Variants in TEF observed in about 807,000 individuals in gnomAD.
TEF encodes the protein thyrotroph embryonic factor.
In TEF, 3 loss-of-function variants were observed where a neutral mutation model predicts 20.8. That is an observed-to-expected ratio of 0.14 (90% CI 0.07 to 0.37). The LOEUF is 0.37. TEF is among the 10% of genes least tolerant of loss of function. The probability of loss-of-function intolerance (pLI) is 1.00; values close to 1 mark genes in which losing one functional copy is unlikely to be tolerated. For missense variants in TEF, 296 were observed against 397.9 expected, an observed-to-expected ratio of 0.74 and a Z score of 2.18; for synonymous variants, 180 against 171.1, an observed-to-expected ratio of 1.05 and a Z score of -0.41.
At chr22:41,394,430 G>A (rs1001628212) in intron 3 of TEF, 114 bp downstream of exon 3, 14 of 1,028,078 alleles carry the variant, frequency 1.4e-5, no homozygotes, top group Non-Finnish European at 1.7e-5. Context: ...GACACCATTT[G>A]GAAAGACATG....
intron 1 of TEF, among the ~76,000 whole-genome samples, chr22:41,375,784 A>G (rs1221241253): frequency 6.6e-6 from 1 of 152,140 alleles, no homozygotes; most frequent in African/African-American, 2.4e-5. Context: ...GGTTTGGTTA[A>G]CTGTCCTACT....
Position 41,382,211 on chromosome 22 carries a change from G to C in TEF, c.157+10G>C. On this transcript the variant is annotated intron_variant, in intron 1 of 3. Coordinates refer to ENST00000266304, the MANE Select transcript of TEF (RefSeq NM_003216.4). The stretch of plus-strand genomic sequence containing the variant: ...CGCGAGGCGCGCCTCGGTGAGGGCG[G>C]GGGGGTGGTCCGCGCGGGCTGGGGG... 1 of 1,231,002 alleles carries C rather than the reference G, an allele frequency of 8.1e-7. No homozygotes were observed. 76.3% of individuals were successfully genotyped at this position (1,231,002 alleles called of 1,614,324 possible).
At chr22:41,378,949 T>C (rs2036980516), upstream of TEF, among the ~76,000 whole-genome samples, 1 of 152,266 alleles carries the variant, frequency 6.6e-6, no homozygotes, top group African/African-American at 2.4e-5. Context: ...CACTAACCTC[T>C]GGGATAATGG....
At chr22:41,390,049 G>A (rs554216948) in intron 2 of TEF, among the ~76,000 whole-genome samples, 7 of 151,968 alleles carry the variant, frequency 4.6e-5, no homozygotes, top group African/African-American at 9.6e-5. Flanking sequence ...ACAGGTGTGC[G>A]CCACCACTCC....
intron 2 of TEF, among the ~76,000 whole-genome samples, chr22:41,393,773 CAAAA>C (rs879096914): frequency 3.3e-5 from 2 of 60,298 alleles, no homozygotes; most frequent in African/African-American, 5.8e-5. Flanking sequence ...ACTCCCATCT[CAAAA>C]AAAAAAAAAA....
At position 41,398,720 on chromosome 22, in the gene TEF, A is replaced by G. The variant is rs1253884251; in HGVS notation, c.*2760A>G. The G allele has an allele frequency of 2.0e-5, 3 of 152,188 alleles. No homozygotes were observed. The highest frequency in any genetic ancestry group is 7.2e-5 in the African/African-American group (3 of 41,426). 9.4% of individuals were successfully genotyped at this position (152,188 alleles called of 1,614,324 possible). ...AGGGGGCACTTAGCAGTGAACCTTAAGTCTGGGTACATGTAACCCTGCTGA... is the reference window on the plus strand; with the variant it reads ...AGGGGGCACTTAGCAGTGAACCTTAGGTCTGGGTACATGTAACCCTGCTGA... On this transcript the variant is annotated 3_prime_UTR_variant, in exon 4 of 4. Coordinates refer to ENST00000266304, the MANE Select transcript of TEF (RefSeq NM_003216.4).
At chr22:41,368,572 C>T (rs2036846625) in intron 1 of TEF, among the ~76,000 whole-genome samples, 1 of 152,302 alleles carries the variant, frequency 6.6e-6, no homozygotes, top group South Asian at 2.1e-4. Context: ...CCTCCCTTCA[C>T]CCCTCTGGAA....
At chr22:41,385,829 C>G (rs1488256780) in intron 1 of TEF, among the ~76,000 whole-genome samples, 1 of 152,014 alleles carries the variant, frequency 6.6e-6, no homozygotes, top group Non-Finnish European at 1.5e-5. Context: ...GGATTACAGG[C>G]GCCCACCACC....
intron 3 of TEF, 65 bp downstream of exon 3, chr22:41,394,381 C>CTCGCA (rs1208644307): frequency 1.4e-6 from 2 of 1,456,944 alleles, no homozygotes; most frequent in African/African-American, 2.8e-5. Flanking sequence ...GATATGGCTC[C>CTCGCA]TCGCATTTGA....
At chr22:41,385,339 A>G in intron 1 of TEF, among the ~76,000 whole-genome samples, 1 of 152,158 alleles carries the variant, frequency 6.6e-6, no homozygotes, top group East Asian at 1.9e-4. Flanking sequence ...CAGTCTGGGC[A>G]ACAAGAGCGA....
rs752923541 is a variant in TEF at position 41,395,736 on chromosome 22, TCC to T, written c.697-6_697-5del. 1 of 1,611,644 alleles carries T rather than the reference TCC, an allele frequency of 6.2e-7. No homozygotes were observed. Among genetic ancestry groups the T allele is most frequent in the Non-Finnish European group, 8.5e-7 (1 of 1,178,180 alleles). On this transcript the variant is annotated splice_region_variant and splice_polypyrimidine_tract_variant and intron_variant, in intron 3 of 3. Coordinates refer to ENST00000266304, the MANE Select transcript of TEF (RefSeq NM_003216.4). ...AGACGAGAGACTCACAGAGGGCACT[TCC>T]CCACAGGATGAAAAGTACTGGACAA... is the stretch of plus-strand genomic sequence containing the variant.
chr22:41,384,748 A>T (rs2037075593), intron 1 of TEF, among the ~76,000 whole-genome samples: 2 of 152,146 alleles, frequency 1.3e-5, no homozygotes, highest in East Asian at 1.9e-4. Context: ...GGAACACTGT[A>T]AAGACACTTT....
At chr22:41,368,509 G>A (rs968535848) in intron 1 of TEF, among the ~76,000 whole-genome samples, 11 of 152,046 alleles carry the variant, frequency 7.2e-5, no homozygotes, top group African/African-American at 1.4e-4. Context: ...TCCACAGGAC[G>A]CTCTCAGCCC....
chr22:41,389,628 A>C (rs1467287240), intron 2 of TEF, among the ~76,000 whole-genome samples: 1 of 151,958 alleles, frequency 6.6e-6, no homozygotes, highest in East Asian at 1.9e-4. Flanking sequence ...AAAATAAATA[A>C]ATAAAAGTTT....
At position 41,387,417 on chromosome 22, in the gene TEF, C is replaced by T; in HGVS notation, c.224C>T (p.Ser75Leu). ...EAAAASTMAV[S>L]ASLMPPIWDK... ...GCAGCCGCCAGCACCATGGCTGTCT[C>T]AGCCTCCCTCATGCCACCCATCTGG... Residue 75 changes from serine to leucine, a missense_variant, in exon 2 of 4, where the codon TCA becomes TTA. Ser to Leu is a moderately radical substitution (Grantham distance 145). This residue lies in a region of TEF where 194 missense variants were observed against 317.8 expected (regional missense o/e 0.61). Coordinates refer to ENST00000266304, the MANE Select transcript of TEF (RefSeq NM_003216.4). 1 of 1,614,236 alleles carries T rather than the reference C, an allele frequency of 6.2e-7. No individual in the cohort carries two copies. Among genetic ancestry groups the T allele is most frequent in the Non-Finnish European group, 8.5e-7 (1 of 1,180,048 alleles).
At chr22:41,387,763 C>G in intron 2 of TEF, 95 bp downstream of exon 2, 3 of 1,308,254 alleles carry the variant, frequency 2.3e-6, no homozygotes, top group Non-Finnish European at 3.1e-6. Flanking sequence ...CAGTGAGTCC[C>G]TTCTCTGAGG....
Position 41,387,458 on chromosome 22 carries a change from T to C in TEF, c.265T>C (p.Tyr89His). Residue 89 changes from tyrosine (Y) to histidine (H), a missense_variant, in exon 2 of 4, where the codon TAT becomes CAT. This residue lies in a region of TEF where 194 missense variants were observed against 317.8 expected (regional missense o/e 0.61). Transcript: ENST00000266304. ...MPPIWDKTIP[Y>H]DGESFHLEYM... ...ACCCATCTGGGACAAGACCATCCCA[T>C]ATGATGGCGAATCTTTCCACCTGGA... The C allele has an allele frequency of 1.2e-6, 2 of 1,614,210 alleles. No homozygotes were observed. Among genetic ancestry groups the C allele is most frequent in the Non-Finnish European group, 1.7e-6 (2 of 1,180,024 alleles).
At chr22:41,380,567 T>G (rs1331239975), upstream of TEF, among the ~76,000 whole-genome samples, 2 of 152,040 alleles carry the variant, frequency 1.3e-5, no homozygotes, top group Non-Finnish European at 2.9e-5. Context: ...CCCCAACCCC[T>G]CCTGCTAGAA....
At chr22:41,382,223 G>A in intron 1 of TEF, 22 bp downstream of exon 1, 1 of 1,227,162 alleles carries the variant, frequency 8.1e-7, no homozygotes, top group Non-Finnish European at 1.0e-6. Context: ...GGGGTGGTCC[G>A]CGCGGGCTGG....
Sources: allele counts gnomAD v4.1 joint callset (sites outside exome capture counted in the v4.1 genomes callset), GRCh38; gene constraint gnomAD v4.1.1; regional missense constraint gnomAD v4.1.1; transcripts MANE v1.5; gene names NCBI Gene and HGNC (gene_info 2026-07-23, HGNC 2026-07-21).